The following PIPOX variants were observed in gnomAD, a reference collection of about 807,000 sequenced individuals.
PIPOX encodes pipecolic acid and sarcosine oxidase, also known as peroxisomal sarcosine oxidase.
A neutral mutation model predicts 47.9 loss-of-function variants in PIPOX; 45 were observed. The observed-to-expected ratio is 0.94, with a 90% CI of 0.74 to 1.20. PIPOX has a LOEUF of 1.20. PIPOX is among the 50% of genes most tolerant of loss of function. The pLI, the probability that PIPOX is intolerant of heterozygous loss-of-function variation, is 0.00. For missense variants in PIPOX, 458 were observed against 498.4 expected (o/e 0.92, Z 0.77); for synonymous variants, 165 against 191.3 (o/e 0.86, Z 1.13).
chr17:29,055,300 A>G (rs1417556053), intron 6 of PIPOX, 79 bp downstream of exon 6: 1 of 1,535,154 alleles, frequency 6.5e-7, no homozygotes, highest in Non-Finnish European at 8.9e-7. Flanking sequence ...TGCACTGGCC[A>G]GGCCCGATTG....
At chr17:29,049,667 T>A (rs149286608) in intron 2 of PIPOX, among the ~76,000 whole-genome samples, 1 of 152,296 alleles carries the variant, frequency 6.6e-6, no homozygotes, top group Admixed American at 6.5e-5. Flanking sequence ...TTCCAGGCAG[T>A]GTTTTACATT....
At chr17:29,048,439 G>A (rs2065793386) in intron 2 of PIPOX, among the ~76,000 whole-genome samples, 1 of 152,196 alleles carries the variant, frequency 6.6e-6, no homozygotes, top group African/African-American at 2.4e-5. Context: ...CTAAACATGG[G>A]TGGGTTTGGG....
chr17:29,045,107 G>A, intron 2 of PIPOX, 100 bp downstream of exon 2: 1 of 1,335,296 alleles, frequency 7.5e-7, no homozygotes, highest in Non-Finnish European at 1.0e-6. Context: ...GAATGCAATG[G>A]GAGGGACACA....
rs921826148 is a variant in PIPOX at position 29,054,223 on chromosome 17, G to A, written c.661-322G>A. On this transcript the variant is annotated intron_variant, in intron 4 of 7. Transcript: ENST00000323372. ...AATAAAATAAAAATAAAGCCCTTAG[G>A]ACATAACCTGGCTTATAGTAAGCAC... is the stretch of plus-strand genomic sequence containing the variant. Among the ~76,000 whole-genome samples, 132 of 152,042 alleles carry A rather than the reference G, an allele frequency of 8.7e-4. 11 individuals carry two copies. Among genetic ancestry groups the A allele is most frequent in the Non-Finnish European group, 1.9e-4 (13 of 68,008 alleles).
At chr17:29,049,453 A>C (rs536631953) in intron 2 of PIPOX, among the ~76,000 whole-genome samples, 7 of 152,326 alleles carry the variant, frequency 4.6e-5, no homozygotes, top group Admixed American at 2.6e-4. Flanking sequence ...CAGAATGAGC[A>C]GTCTATTTGT....
chr17:29,054,592 C>T lies in PIPOX; in HGVS notation c.708C>T (p.Ser236=), dbSNP rs375734262. The change falls in exon 5 of 8, where the codon AGC becomes AGT. Residue 236 remains serine (S), a synonymous_variant. Coordinates refer to ENST00000323372, the MANE Select transcript of PIPOX (RefSeq NM_016518.3). The part of the protein sequence containing the change: ...VCYWREMVPG[S]YGVSQAFPCF... ...ACTGGCGAGAGATGGTTCCTGGGAG[C>T]TATGGTGTGTCCCAGGCCTTTCCGT... 6 of 1,614,038 alleles carry T rather than the reference C, an allele frequency of 3.7e-6. No homozygotes were observed. The African/African-American group carries it at 8.0e-5, about 22-fold the overall frequency.
Position 29,056,303 on chromosome 17 carries a change from T to C in PIPOX, c.1171T>C (p.Ter391ArgextTer23). Reference sequence around the variant, plus strand: ...CCCAAGCCTGGGCAAAGCCCACCTTTGACCTCTGGCCAGAAGCCTCCCTTC... The same window carrying C: ...CCCAAGCCTGGGCAAAGCCCACCTTCGACCTCTGGCCAGAAGCCTCCCTTC... ...RFPSLGKAHL* is the reference protein window; with the variant it reads ...RFPSLGKAHLR The change falls in exon 8 of 8, where the codon TGA becomes CGA. Residue 391 changes from the stop codon to arginine, a stop_lost. Coordinates refer to ENST00000323372, the MANE Select transcript of PIPOX (RefSeq NM_016518.3). 1.2e-6 allele frequency: 2 copies of C among 1,614,194 alleles called. No individual in the cohort carries two copies. Among genetic ancestry groups the C allele is most frequent in the Non-Finnish European group, 1.7e-6 (2 of 1,180,036 alleles).
chr17:29,053,840 CA>C lies in PIPOX; in HGVS notation c.660+250del, dbSNP rs59176672. On this transcript the variant is annotated intron_variant, in intron 4 of 7. Coordinates refer to ENST00000323372, the MANE Select transcript of PIPOX (RefSeq NM_016518.3). ...GCAGTTTTACCGTTCAAAGTCATGG[CA>C]AAAACCACAATTACTTTTGCACTAA... 1.3e-4 allele frequency among the ~76,000 whole-genome samples: 20 copies of C among 152,210 alleles called. No homozygotes were observed. The East Asian group carries it at 1.4e-3, about 10-fold the overall frequency.
chr17:29,048,014 A>G (rs1340613452), intron 2 of PIPOX, among the ~76,000 whole-genome samples: 1 of 152,238 alleles, frequency 6.6e-6, no homozygotes, highest in Non-Finnish European at 1.5e-5. Flanking sequence ...AGTGCTAAGT[A>G]TTCTTACTAC....
rs57047541 is a variant in PIPOX, at chr17:29,045,403, C to CTT, written c.263+423_263+424dup. On this transcript the variant is annotated intron_variant, in intron 2 of 7. Coordinates refer to ENST00000323372, the MANE Select transcript of PIPOX (RefSeq NM_016518.3). ...GGAGGAGGCTGCTTTCAGGAGGATT[C>CTT]TTTTTTTTTTTTTTTTTTTTTTTTT... Among the ~76,000 whole-genome samples, 228 of 50,980 alleles carry CTT rather than the reference C, an allele frequency of 4.5e-3. 31 individuals carry two copies. Among genetic ancestry groups the CTT allele is most frequent in the East Asian group, 0.017 (22 of 1,316 alleles). 33.4% of individuals were successfully genotyped at this position (50,980 alleles called of 152,430 possible). A position where few individuals can be genotyped will look rare whatever the true frequency, so the allele number is the denominator to read the frequency against.
At chr17:29,043,807 G>T (rs1364738016) in intron 1 of PIPOX, among the ~76,000 whole-genome samples, 3 of 147,714 alleles carry the variant, frequency 2.0e-5, no homozygotes, top group African/African-American at 7.4e-5. Context: ...AGAAGCTTCT[G>T]TTTTTTTTTT....
intron 2 of PIPOX, 101 bp from the exon 3 acceptor site, chr17:29,052,819 T>A: frequency 1.0e-6 from 1 of 968,394 alleles, no homozygotes; most frequent in Non-Finnish European, 1.6e-6. Context: ...GTCATCCTCC[T>A]GCCTCAGCCT....
chr17:29,050,828 T>TA (rs1266281701), intron 2 of PIPOX, among the ~76,000 whole-genome samples: 113 of 136,874 alleles, frequency 8.3e-4, no homozygotes, highest in Admixed American at 1.7e-3. Flanking sequence ...CCATCTCCAT[T>TA]AAAAAAAAAA....
intron 2 of PIPOX, chr17:29,051,948 C>T (rs1347140270): frequency 8.5e-6 from 4 of 470,566 alleles, no homozygotes; most frequent in Non-Finnish European, 1.8e-5. Context: ...GCGGTACCAC[C>T]CTGGTGTGGA....
At chr17:29,047,353 C>T (rs545521510) in intron 2 of PIPOX, among the ~76,000 whole-genome samples, 2 of 152,304 alleles carry the variant, frequency 1.3e-5, no homozygotes, top group South Asian at 4.1e-4. Context: ...AAGTACCTGA[C>T]ACCTATAACT....
rs1483506886 is a variant in PIPOX, at chr17:29,056,544, C to T, written c.*239C>T. The T allele has an allele frequency of 1.8e-6, 1 of 568,286 alleles. No homozygotes were observed. Among genetic ancestry groups the T allele is most frequent in the East Asian group, 2.9e-5 (1 of 34,540 alleles). The allele number at this position is 568,286 out of a possible 1,614,324, so 35.2% of individuals were successfully genotyped here. A position where few individuals can be genotyped will look rare whatever the true frequency, so the allele number is the denominator to read the frequency against. On this transcript the variant is annotated 3_prime_UTR_variant, in exon 8 of 8. Transcript: ENST00000323372. ...GAGTCTACCTTCTTTTCTTGGCCAC[C>T]TCCCCATTCACAACTACTTTCTCGC... is the stretch of plus-strand genomic sequence containing the variant.
intron 6 of PIPOX, 96 bp downstream of exon 6, chr17:29,055,317 C>A: frequency 1.4e-6 from 2 of 1,408,828 alleles, no homozygotes; most frequent in African/African-American, 1.4e-5. Flanking sequence ...ATTGTTTGAC[C>A]CCTGACATAG....
chr17:29,053,533 A>G lies in PIPOX; in HGVS notation c.598A>G (p.Ile200Val). Residue 200 changes from isoleucine to valine, a missense_variant, in exon 4 of 8, where the codon ATC (isoleucine) becomes GTC (valine). Ile to Val is a conservative substitution (Grantham distance 29, BLOSUM62 3). Coordinates refer to ENST00000323372, the MANE Select transcript of PIPOX (RefSeq NM_016518.3). ...SRSYQAKSLV[I>V]TAGPWTNQLL... ...GAGCTACCAAGCTAAGAGCTTGGTC[A>G]TCACAGCAGGTCCTTGGACCAACCA... The G allele has an allele frequency of 6.2e-7, 1 of 1,613,952 alleles. No homozygotes were observed. The highest frequency in any genetic ancestry group is 8.5e-7 in the Non-Finnish European group (1 of 1,179,840).
intron 2 of PIPOX, among the ~76,000 whole-genome samples, chr17:29,047,530 C>T (rs1027737321): frequency 3.9e-5 from 6 of 152,154 alleles, no homozygotes; most frequent in African/African-American, 7.2e-5. Context: ...TTGCAGGCAA[C>T]GTGGTCTCTG....
Sources: allele counts gnomAD v4.1 joint callset (sites outside exome capture counted in the v4.1 genomes callset), GRCh38; gene constraint gnomAD v4.1.1; transcripts MANE v1.5; gene names NCBI Gene and HGNC (gene_info 2026-07-23, HGNC 2026-07-21).